The following PLS1 variants were observed in gnomAD, a reference collection of about 807,000 sequenced individuals.
PLS1 encodes the protein plastin 1.
Under a neutral mutation model 73.7 loss-of-function variants are expected in PLS1, and 32 were observed. That is an observed-to-expected ratio of 0.43 (90% CI 0.33 to 0.58). The LOEUF (loss-of-function observed/expected upper bound fraction) is 0.58, where lower values mean the gene tolerates loss of function less well. Among genes scored for constraint, PLS1 ranks in the 20% least tolerant of loss-of-function variants. The pLI is 0.04. For synonymous variants in PLS1, 217 were observed against 261.3 expected (o/e 0.83, Z 1.63); for missense variants, 633 against 740.5 (o/e 0.85, Z 1.68).
At chr3:142,630,705 C>T (rs2036538893) in intron 1 of PLS1, among the ~76,000 whole-genome samples, 1 of 151,886 alleles carries the variant, frequency 6.6e-6, no homozygotes, top group South Asian at 2.1e-4. Context: ...GAGCCAAGAT[C>T]ATGCCACTGC....
intron 1 of PLS1, among the ~76,000 whole-genome samples, chr3:142,631,473 G>A (rs977164620): frequency 6.6e-6 from 1 of 150,382 alleles, no homozygotes; most frequent in Non-Finnish European, 1.5e-5. Flanking sequence ...GTGACAGAGT[G>A]AGACTCCATC....
chr3:142,693,200 C>T (rs962227975), intron 10 of PLS1, among the ~76,000 whole-genome samples: 2 of 152,138 alleles, frequency 1.3e-5, no homozygotes, highest in African/African-American at 4.8e-5. Context: ...TCTGGGAAAG[C>T]TGTTAGATAA....
intron 1 of PLS1, among the ~76,000 whole-genome samples, chr3:142,613,267 C>G (rs1577773870): frequency 6.6e-6 from 1 of 151,924 alleles, no homozygotes; most frequent in Non-Finnish European, 1.5e-5. Context: ...CACTTGTGGC[C>G]AGGAGTTGAA....
intron 14 of PLS1, among the ~76,000 whole-genome samples, chr3:142,707,843 C>T (rs565930136): frequency 1.5e-4 from 23 of 152,244 alleles, no homozygotes; most frequent in African/African-American, 5.5e-4. Flanking sequence ...TGTGGGACCA[C>T]ATGAGAAGGG....
intron 1 of PLS1, among the ~76,000 whole-genome samples, chr3:142,663,617 T>G (rs1340299105): frequency 2.0e-5 from 3 of 152,122 alleles, no homozygotes; most frequent in Non-Finnish European, 4.4e-5. Context: ...GAGGATCACT[T>G]AAGCCTAGGA....
chr3:142,624,744 G>C (rs1405152126), intron 1 of PLS1, among the ~76,000 whole-genome samples: 1 of 152,232 alleles, frequency 6.6e-6, no homozygotes, highest in African/African-American at 2.4e-5. Flanking sequence ...TGTTAGAGAA[G>C]TGAACACATT....
intron 1 of PLS1, among the ~76,000 whole-genome samples, chr3:142,636,400 A>AG (rs1459312435): frequency 6.6e-6 from 1 of 152,262 alleles, no homozygotes; most frequent in African/African-American, 2.4e-5. Context: ...TGCAAAAAAA[A>AG]GAACATTGAT....
At chr3:142,668,376 C>T (rs917927547) in intron 2 of PLS1, among the ~76,000 whole-genome samples, 5 of 152,066 alleles carry the variant, frequency 3.3e-5, no homozygotes, top group Admixed American at 2.6e-4. Flanking sequence ...ATTCAGCATA[C>T]GTAATGGTAT....
chr3:142,677,988 A>G (rs770085009), intron 5 of PLS1, 44 bp from the exon 6 acceptor site: 2 of 926,806 alleles, frequency 2.2e-6, no homozygotes, highest in East Asian at 2.8e-5. Context: ...AACTAAAAAA[A>G]TTTCTTGGAG....
chr3:142,670,297 A>G (rs1282084592), intron 3 of PLS1, among the ~76,000 whole-genome samples: 1 of 152,246 alleles, frequency 6.6e-6, no homozygotes, highest in Non-Finnish European at 1.5e-5. Context: ...GAATATTCTC[A>G]AGCAACTGAA....
chr3:142,643,932 C>T (rs984675468), intron 1 of PLS1, among the ~76,000 whole-genome samples: 4 of 148,438 alleles, frequency 2.7e-5, no homozygotes, highest in Admixed American at 6.8e-5. Flanking sequence ...TGGGTTCAAG[C>T]GATTCTCCTG....
At chr3:142,622,484 A>G (rs193031590) in intron 1 of PLS1, among the ~76,000 whole-genome samples, 138 of 152,208 alleles carry the variant, frequency 9.1e-4, no homozygotes, top group South Asian at 1.7e-3. Flanking sequence ...TAGAATTTCC[A>G]TAAATGGGAT....
intron 1 of PLS1, among the ~76,000 whole-genome samples, chr3:142,601,308 G>A (rs1312175494): frequency 2.0e-5 from 3 of 151,916 alleles, no homozygotes; most frequent in African/African-American, 7.3e-5. Context: ...GTATGTTGAA[G>A]TTAATGTCTC....
chr3:142,709,056 T>C (rs778734268), intron 14 of PLS1, among the ~76,000 whole-genome samples: 3 of 152,230 alleles, frequency 2.0e-5, no homozygotes, highest in Non-Finnish European at 2.9e-5. Context: ...AAGTCACTTG[T>C]ATTTTAAAAA....
intron 2 of PLS1, among the ~76,000 whole-genome samples, chr3:142,667,557 A>G (rs1169528478): frequency 6.6e-6 from 1 of 152,224 alleles, no homozygotes; most frequent in Admixed American, 6.5e-5. Flanking sequence ...TCACTTGGCT[A>G]AGCATATATG....
chr3:142,622,980 CT>C (rs1478452618), intron 1 of PLS1, among the ~76,000 whole-genome samples: 1 of 152,040 alleles, frequency 6.6e-6, no homozygotes, highest in Non-Finnish European at 1.5e-5. Flanking sequence ...TAGGGTCTTG[CT>C]GTATTGCCCA....
chr3:142,631,958 T>G (rs965300711), intron 1 of PLS1, among the ~76,000 whole-genome samples: 2 of 152,262 alleles, frequency 1.3e-5, no homozygotes, highest in Admixed American at 1.3e-4. Context: ...AAGATATTAG[T>G]AAATCATATG....
At chr3:142,653,692 A>G (rs1021769322) in intron 1 of PLS1, among the ~76,000 whole-genome samples, 1 of 152,132 alleles carries the variant, frequency 6.6e-6, no homozygotes, top group East Asian at 1.9e-4. Flanking sequence ...ACCCAAAGCC[A>G]TATATGATAT....
chr3:142,699,784 A>T (rs1465155421), intron 12 of PLS1, among the ~76,000 whole-genome samples: 2 of 152,194 alleles, frequency 1.3e-5, no homozygotes, highest in South Asian at 2.1e-4. Flanking sequence ...AAAGAAAAAA[A>T]TTTTAAAAGA....
Sources: gnomAD v4.1 joint callset for allele counts (sites outside exome capture counted in the v4.1 genomes callset) on GRCh38, gnomAD v4.1.1 for gene constraint, MANE v1.5 for transcripts, NCBI Gene and HGNC (gene_info 2026-07-23, HGNC 2026-07-21) for gene names.